The following MNT variants were observed in gnomAD, a reference collection of about 807,000 sequenced individuals.
The protein encoded by MNT is max-binding protein MNT.
MNT carries 13 observed loss-of-function variants against 40.7 expected under a neutral mutation model. The observed-to-expected ratio is 0.32, with a 90% confidence interval of 0.21 to 0.51. The LOEUF is 0.51. Ranked by LOEUF, MNT falls within the 20% of genes least tolerant of loss-of-function variation. The pLI, the probability that MNT is intolerant of heterozygous loss-of-function variation, is 0.98. For missense variants in MNT, 757 were observed against 792.0 expected (o/e 0.96, Z 0.53); for synonymous variants, 426 against 354.8 (o/e 1.20, Z -2.26).
At position 2,384,266 on chromosome 17, in the gene MNT, G is replaced by T. The variant is rs1225310494; in HGVS notation, c.*2635C>A. The T allele has an allele frequency of 6.6e-6, 1 of 150,610 alleles. No individual in the cohort carries two copies. The highest frequency in any genetic ancestry group is 1.5e-5 in the Non-Finnish European group (1 of 67,706). The allele number at this position is 150,610 out of a possible 1,614,324, so 9.3% of individuals were successfully genotyped here. A position where few individuals can be genotyped will look rare whatever the true frequency, so the allele number is the denominator to read the frequency against. On this transcript the variant is annotated 3_prime_UTR_variant, in exon 6 of 6. Coordinates refer to ENST00000174618, the MANE Select transcript of MNT (RefSeq NM_020310.3). ...TTTTTTTTTTTTCCACACAGCAGAT[G>T]TATCCAAACACATAAAAATCTCTAC...
chr17:2,386,779 G>T lies in MNT; in HGVS notation c.*122C>A. 2 of 1,045,244 alleles carry T rather than the reference G, an allele frequency of 1.9e-6. No homozygotes were observed. Among genetic ancestry groups the T allele is most frequent in the Non-Finnish European group, 1.3e-6 (1 of 753,974 alleles). The allele number at this position is 1,045,244 out of a possible 1,614,324, so 64.7% of individuals were successfully genotyped here. A position where few individuals can be genotyped will look rare whatever the true frequency, so the allele number is the denominator to read the frequency against. On this transcript the variant is annotated 3_prime_UTR_variant, in exon 6 of 6. Coordinates refer to ENST00000174618, the MANE Select transcript of MNT (RefSeq NM_020310.3). ...TCTTTGCACCCCCTTCCCCTAGGAG[G>T]CCTGGGGGTGGGTGGGGGGGCTGGC...
chr17:2,385,779 T>G lies in MNT; in HGVS notation c.*1122A>C, dbSNP rs2066452854. ...TTCTGTATAGGTCCCAGGGTTGGTC[T>G]GGGGACAGGCTTAGGGCTTGGCTAA... On this transcript the variant is annotated 3_prime_UTR_variant, in exon 6 of 6. Transcript: ENST00000174618. The G allele has an allele frequency of 6.6e-6, 1 of 152,404 alleles. No individual in the cohort carries two copies. Among genetic ancestry groups the G allele is most frequent in the East Asian group, 1.9e-4 (1 of 5,188 alleles). 9.4% of individuals were successfully genotyped at this position (152,404 alleles called of 1,614,324 possible). A position where few individuals can be genotyped will look rare whatever the true frequency, so the allele number is the denominator to read the frequency against.
intron 1 of MNT, among the ~76,000 whole-genome samples, chr17:2,397,333 C>T (rs1383807853): frequency 1.3e-5 from 2 of 152,196 alleles, no homozygotes; most frequent in Non-Finnish European, 2.9e-5. Flanking sequence ...CTCAGTTGTC[C>T]CCAGCCCCTT....
rs778156303 is a variant in MNT at position 2,395,023 on chromosome 17, G to A, written c.505C>T (p.Leu169Phe). 46 of 1,597,478 alleles carry A rather than the reference G, an allele frequency of 2.9e-5. No homozygotes were observed. In the Admixed American group the frequency reaches 7.7e-4, roughly 27 times the overall value. Residue 169 changes from leucine to phenylalanine, a missense_variant, in exon 2 of 6, where the codon CTC becomes TTC. Physicochemically the swap from Leu to Phe is conservative, Grantham distance 22. Around this residue, in one of 4 missense-constraint regions of MNT, gnomAD observed 335 missense variants for 291.4 expected, o/e 1.15. Transcript: ENST00000174618. ...PNGSPKPLQP[L>F]PTPVLTIAPH... ...GCTATGGTCAGGACAGGCGTGGGGA[G>A]GGGCTGCAAAGGCTTGGGGCTGCCA...
At position 2,387,192 on chromosome 17, in the gene MNT, G is replaced by A; in HGVS notation, c.1458C>T (p.Pro486=). ...GGTGCACAGTGATGTGCCCAATGGG[G>A]GGTGTGGCAGGCGCCAGTTGCACCG... The part of the protein sequence containing the change: ...SPAVQLAPAT[P]PIGHITVHPA... Residue 486 remains proline (P), a synonymous_variant, in exon 6 of 6, where the codon CCC becomes CCT. Transcript: ENST00000174618. 1 of 1,607,584 alleles carries A rather than the reference G, an allele frequency of 6.2e-7. No individual in the cohort carries two copies. The highest frequency in any genetic ancestry group is 1.3e-5 in the African/African-American group (1 of 75,038).
At chr17:2,389,539 T>C (rs2066496105) in intron 4 of MNT, 1 of 152,220 alleles carries the variant, frequency 6.6e-6, no homozygotes, top group Admixed American at 6.5e-5. Flanking sequence ...CTTCCGAAAG[T>C]GCTGGGATTA....
Position 2,386,763 on chromosome 17 carries a change from C to T in MNT, c.*138G>A. On this transcript the variant is annotated 3_prime_UTR_variant, in exon 6 of 6. Coordinates refer to ENST00000174618, the MANE Select transcript of MNT (RefSeq NM_020310.3). Reference sequence around the variant, plus strand: ...CTCCCTTGGCTCAGAGTCTTTGCACCCCCTTCCCCTAGGAGGCCTGGGGGT... The same window carrying T: ...CTCCCTTGGCTCAGAGTCTTTGCACTCCCTTCCCCTAGGAGGCCTGGGGGT... 1.1e-6 allele frequency: 1 copy of T among 894,222 alleles called. No individual in the cohort carries two copies. Among genetic ancestry groups the T allele is most frequent in the Non-Finnish European group, 1.6e-6 (1 of 618,990 alleles). 55.4% of individuals were successfully genotyped at this position (894,222 alleles called of 1,614,324 possible).
At chr17:2,389,952 C>CA (rs559887142) in intron 4 of MNT, 2,566 of 142,628 alleles carry the variant, frequency 0.018, 69 homozygotes, top group African/African-American at 0.061. Flanking sequence ...TTTTCTGTCT[C>CA]AAAAAAAAAA....
At position 2,395,386 on chromosome 17, in the gene MNT, T is replaced by C; in HGVS notation, c.142A>G (p.Arg48Gly). ...TCCACAGGAAGGGTATGTGCCAGCC[T>C]GGCCAGGCTATTGGCCTTCTTCTGT... ...QEQKKANSLA[R>G]LAHTLPVEEP... is the part of the protein sequence containing the mutation. The change falls in exon 2 of 6, where the codon AGG becomes GGG. Residue 48 changes from arginine (R) to glycine (G), a missense_variant. Transcript: ENST00000174618. The C allele has an allele frequency of 6.2e-7, 1 of 1,613,616 alleles. No homozygotes were observed. The highest frequency in any genetic ancestry group is 8.5e-7 in the Non-Finnish European group (1 of 1,179,920).
Position 2,400,814 on chromosome 17 carries a change from G to C in MNT, c.-102C>G. 1 of 903,134 alleles carries C rather than the reference G, an allele frequency of 1.1e-6. No homozygotes were observed. The allele number at this position is 903,134 out of a possible 1,614,324, so 55.9% of individuals were successfully genotyped here. On this transcript the variant is annotated 5_prime_UTR_variant, in exon 1 of 6. Coordinates refer to ENST00000174618, the MANE Select transcript of MNT (RefSeq NM_020310.3). ...AGGCAGGAGGGAGGGATCACCTCCG[G>C]GGGGCGACAGGGCTGGGCGGCGCAG...
intron 1 of MNT, among the ~76,000 whole-genome samples, chr17:2,398,352 G>C (rs2066590773): frequency 6.6e-6 from 1 of 152,200 alleles, no homozygotes; most frequent in African/African-American, 2.4e-5. Context: ...GAGCAAACTG[G>C]CTGGTCTAGG....
intron 1 of MNT, among the ~76,000 whole-genome samples, chr17:2,399,766 C>T (rs947658925): frequency 6.6e-6 from 1 of 152,228 alleles, no homozygotes; most frequent in African/African-American, 2.4e-5. Flanking sequence ...CGTCACCACC[C>T]GGTGTAACCA....
chr17:2,386,829 G>C lies in MNT; in HGVS notation c.*72C>G, dbSNP rs2066466155. 1.4e-6 allele frequency: 2 copies of C among 1,395,024 alleles called. No homozygotes were observed. The highest frequency in any genetic ancestry group is 1.9e-6 in the Non-Finnish European group (2 of 1,060,562). 86.4% of individuals were successfully genotyped at this position (1,395,024 alleles called of 1,614,324 possible). Reference sequence around the variant, plus strand: ...CCTGGGCCTGGCTGGAATGTGTGGAGCTGGTGGGTGAGAGAGTGGGGGACA... The same window carrying C: ...CCTGGGCCTGGCTGGAATGTGTGGACCTGGTGGGTGAGAGAGTGGGGGACA... On this transcript the variant is annotated 3_prime_UTR_variant, in exon 6 of 6. Coordinates refer to ENST00000174618, the MANE Select transcript of MNT (RefSeq NM_020310.3).
rs2066470290 is a variant in MNT, at chr17:2,387,174, A to G, written c.1476T>C (p.Thr492=). 2 of 1,605,738 alleles carry G rather than the reference A, an allele frequency of 1.2e-6. No individual in the cohort carries two copies. The change falls in exon 6 of 6, where the codon ACT becomes ACC. Residue 492 remains threonine (T), a synonymous_variant. Coordinates refer to ENST00000174618, the MANE Select transcript of MNT (RefSeq NM_020310.3). ...CATGGTTGAGGGTGGCAGGGTGCACAGTGATGTGCCCAATGGGGGGTGTGG... is the reference window on the plus strand; with the variant it reads ...CATGGTTGAGGGTGGCAGGGTGCACGGTGATGTGCCCAATGGGGGGTGTGG... ...APATPPIGHI[T]VHPATLNHVA... is the part of the protein sequence containing the mutation.
intron 4 of MNT, chr17:2,392,089 C>T (rs1188389463): frequency 6.6e-6 from 1 of 152,284 alleles, no homozygotes; most frequent in African/African-American, 2.4e-5. Context: ...TATCCTCCCT[C>T]CCCAGAACAG....
rs1461187127 is a variant in MNT, at chr17:2,394,942, G to A, written c.586C>T (p.Leu196=). 1.2e-6 allele frequency: 2 copies of A among 1,608,068 alleles called. No homozygotes were observed. The highest frequency in any genetic ancestry group is 1.7e-5 in the Admixed American group (1 of 59,188). The change falls in exon 2 of 6, where the codon CTG becomes TTG. Residue 196 remains leucine, a synonymous_variant. Transcript: ENST00000174618. ...LAPQQPPPPT[L]GTLKLAPAEE... is the part of the protein sequence containing the mutation. Reference sequence around the variant, plus strand: ...GCTGGTGCCAACTTCAGGGTCCCCAGCGTGGGTGGGGGCGGCTGCTGGGGG... The same window carrying A: ...GCTGGTGCCAACTTCAGGGTCCCCAACGTGGGTGGGGGCGGCTGCTGGGGG...
intron 4 of MNT, among the ~76,000 whole-genome samples, chr17:2,388,731 A>G (rs1390583843): frequency 6.6e-6 from 1 of 152,132 alleles, no homozygotes; most frequent in African/African-American, 2.4e-5. Flanking sequence ...CCGATCCATG[A>G]GAAATGGCTG....
chr17:2,399,148 A>C (rs928813654), intron 1 of MNT, among the ~76,000 whole-genome samples: 1 of 151,610 alleles, frequency 6.6e-6, no homozygotes, highest in Non-Finnish European at 1.5e-5. Context: ...CTCCAACACA[A>C]CCAACCCTGC....
chr17:2,388,822 A>C (rs1447931831), intron 4 of MNT, among the ~76,000 whole-genome samples: 1 of 151,522 alleles, frequency 6.6e-6, no homozygotes, highest in Admixed American at 6.6e-5. Flanking sequence ...CCACCCTTTC[A>C]AGTCTCACAG....
Sources: gnomAD v4.1 joint callset for allele counts (sites outside exome capture counted in the v4.1 genomes callset) on GRCh38, gnomAD v4.1.1 for gene constraint, gnomAD v4.1.1 regional missense constraint, MANE v1.5 for transcripts, NCBI Gene and HGNC (gene_info 2026-07-23, HGNC 2026-07-21) for gene names.